PTK2: variants seen among roughly 807,000 people sequenced by gnomAD.
The protein encoded by PTK2 is protein tyrosine kinase 2.
In PTK2, 45 loss-of-function variants were observed where a neutral mutation model predicts 150.1. The observed-to-expected ratio is 0.30, with a 90% CI of 0.24 to 0.38. PTK2 has a LOEUF of 0.38. PTK2 is among the 10% of genes least tolerant of loss of function. The pLI is 1.00. For missense variants in PTK2, 919 were observed against 1,307.3 expected, an observed-to-expected ratio of 0.70 and a Z score of 4.58; for synonymous variants, 432 against 449.2, an observed-to-expected ratio of 0.96 and a Z score of 0.48.
In PTK2 at chr8:140,771,439, T is replaced by C. The variant is rs555923609; in HGVS notation, c.1178-7149A>G. The C allele has an allele frequency of 4.6e-5, 7 of 152,200 alleles. No homozygotes were observed. In the South Asian group the frequency reaches 8.3e-4, roughly 18 times the overall value. 9.4% of individuals were successfully genotyped at this position (152,200 alleles called of 1,614,324 possible). On this transcript the variant is annotated intron_variant, in intron 14 of 31. Transcript: ENST00000522684. ...CACATCTCAGCTCTCCAGAAGCATA[T>C]AGCAAAATGAGAAAATAAGCAGCAA... is the stretch of plus-strand genomic sequence containing the variant.
chr8:140,962,362 G>T (rs937589012), intron 1 of PTK2, among the ~76,000 whole-genome samples: 2 of 152,162 alleles, frequency 1.3e-5, no homozygotes, highest in Non-Finnish European at 2.9e-5. Context: ...GTTTTGTGTG[G>T]CAATGAAGAC....
At chr8:140,675,314 G>A in intron 28 of PTK2, 146 bp downstream of exon 31, 2 of 822,982 alleles carry the variant, frequency 2.4e-6, no homozygotes, top group Non-Finnish European at 3.9e-6. Context: ...GTAATGAGCT[G>A]AATGTGGTAA....
intron 11 of PTK2, among the ~76,000 whole-genome samples, chr8:140,802,226 T>C (rs369179138): frequency 2.0e-5 from 3 of 152,146 alleles, no homozygotes; most frequent in Admixed American, 2.0e-4. Context: ...GATGTGGAGG[T>C]AGAAGATGGT....
At chr8:140,716,715 AAAT>A (rs2100039910) in intron 23 of PTK2, among the ~76,000 whole-genome samples, 1 of 152,224 alleles carries the variant, frequency 6.6e-6, no homozygotes, top group African/African-American at 2.4e-5. Context: ...TTCATAAAGA[AAAT>A]AATTGTCAAA....
intron 1 of PTK2, among the ~76,000 whole-genome samples, chr8:140,990,046 C>A (rs1308840315): frequency 3.3e-5 from 5 of 151,992 alleles, no homozygotes; most frequent in African/African-American, 1.2e-4. Flanking sequence ...GGAAACAGTG[C>A]TGAAGTAACC....
intron 26 of PTK2, among the ~76,000 whole-genome samples, chr8:140,694,060 A>G (rs1424970879): frequency 3.8e-4 from 46 of 121,086 alleles, no homozygotes; most frequent in Non-Finnish European, 7.5e-4. Context: ...TTTTTTTTTG[A>G]GATGGAGTCT....
chr8:140,921,277 A>G (rs2100167326), intron 2 of PTK2: 1 of 274,936 alleles, frequency 3.6e-6, no homozygotes, highest in African/African-American at 2.2e-5. Context: ...AAAGAAGGCC[A>G]GTAGCCAGTA....
At chr8:140,716,295 T>A (rs1206390654) in intron 23 of PTK2, among the ~76,000 whole-genome samples, 1 of 152,174 alleles carries the variant, frequency 6.6e-6, no homozygotes. Flanking sequence ...GTAAACAAAT[T>A]TAAAAATAGG....
intron 26 of PTK2, among the ~76,000 whole-genome samples, chr8:140,689,446 T>G (rs951137727): frequency 6.6e-6 from 1 of 152,230 alleles, no homozygotes; most frequent in Non-Finnish European, 1.5e-5. Context: ...AGAGATGTGA[T>G]AACTAAATAT....
At chr8:140,916,390 C>A (rs375017286) in intron 2 of PTK2, among the ~76,000 whole-genome samples, 73 of 152,342 alleles carry the variant, frequency 4.8e-4, no homozygotes, top group African/African-American at 1.7e-3. Flanking sequence ...GTTCCAGCCA[C>A]AATGCCATTT....
intron 14 of PTK2, chr8:140,770,785 G>C: frequency 7.5e-7 from 1 of 1,333,336 alleles, no homozygotes; most frequent in Non-Finnish European, 9.9e-7. Flanking sequence ...ACTTTATGTT[G>C]GCAGTGACTG....
chr8:140,670,468 A>C (rs1337552989), intron 29 of PTK2, among the ~76,000 whole-genome samples: 2 of 77,816 alleles, frequency 2.6e-5, no homozygotes, highest in African/African-American at 4.3e-5. Context: ...AAAAAAAAAA[A>C]AAAAAAAAAA....
At chr8:140,739,285 G>A (rs2100054328) in intron 20 of PTK2, among the ~76,000 whole-genome samples, 178 bp from the exon 24 acceptor site, 1 of 152,184 alleles carries the variant, frequency 6.6e-6, no homozygotes, top group African/African-American at 2.4e-5. Flanking sequence ...ACTTAGGGGT[G>A]AGGAATGGTT....
exon 31 of PTK2, chr8:140,664,953 C>T (rs749038246): frequency 6.2e-7 from 1 of 1,613,784 alleles, no homozygotes; most frequent in South Asian, 1.1e-5. Flanking sequence ...GGGGAATGGT[C>T]TCATCCACAG....
At chr8:140,859,146 T>A (rs1475241118) in intron 5 of PTK2, among the ~76,000 whole-genome samples, 1 of 152,110 alleles carries the variant, frequency 6.6e-6, no homozygotes, top group Non-Finnish European at 1.5e-5. Context: ...TGGGAGAACT[T>A]AAGGTCAGCT....
chr8:140,690,179 C>A (rs2100022268), intron 26 of PTK2, among the ~76,000 whole-genome samples: 1 of 152,022 alleles, frequency 6.6e-6, no homozygotes, highest in African/African-American at 2.4e-5. Flanking sequence ...GTCTCGATCA[C>A]CTGACCTCAT....
chr8:140,921,121 T>C (rs2100167241), intron 2 of PTK2: 1 of 1,278,644 alleles, frequency 7.8e-7, no homozygotes, highest in Non-Finnish European at 9.8e-7. Context: ...AATCTTCTCA[T>C]GCTTCCGCAA....
At chr8:140,991,655 AC>A (rs575731436) in intron 1 of PTK2, among the ~76,000 whole-genome samples, 89 of 152,250 alleles carry the variant, frequency 5.8e-4, no homozygotes, top group African/African-American at 2.0e-3. Context: ...CTTTCAAAAC[AC>A]CCTAAAGCAG....
At chr8:140,780,135 A>G (rs185418985) in intron 14 of PTK2, among the ~76,000 whole-genome samples, 1 of 152,336 alleles carries the variant, frequency 6.6e-6, no homozygotes, top group East Asian at 1.9e-4. Flanking sequence ...GAGGGTAATG[A>G]AGCAGCTGGT....
Sources: gnomAD v4.1 joint callset for allele counts (sites outside exome capture counted in the v4.1 genomes callset) on GRCh38, gnomAD v4.1.1 for gene constraint, MANE v1.5 for transcripts, NCBI Gene and HGNC (gene_info 2026-07-23, HGNC 2026-07-21) for gene names.